Variants in SERINC5 observed in about 807,000 individuals in gnomAD.
SERINC5 encodes chromosome 5 open reading frame 12.
SERINC5 carries 41 observed loss-of-function variants against 63.1 expected under a neutral mutation model. The ratio of observed to expected loss-of-function variants is 0.65; its 90% confidence interval spans 0.51 to 0.84. SERINC5 has a LOEUF of 0.84. Among genes scored for constraint, SERINC5 ranks in the 40% least tolerant of loss-of-function variants. SERINC5 has a pLI of 0.00. For missense variants in SERINC5, 523 were observed against 573.0 expected (o/e 0.91, Z 0.89); for synonymous variants, 222 against 215.2 (o/e 1.03, Z -0.28).
rs930162425 is a variant in SERINC5 at position 80,256,002 on chromosome 5, C to G, written c.-80G>C. The G allele has an allele frequency of 5.2e-6, 7 of 1,356,490 alleles. No individual in the cohort carries two copies. The African/African-American group carries it at 1.1e-4, about 21-fold the overall frequency. The allele number at this position is 1,356,490 out of a possible 1,614,324, so 84.0% of individuals were successfully genotyped here. A position where few individuals can be genotyped will look rare whatever the true frequency, so the allele number is the denominator to read the frequency against. ...TCCTGGCTGCCTCGCGCCTCGAGCG[C>G]TGGGCTCAGCCGCAGCTCACACTTG... On this transcript the variant is annotated 5_prime_UTR_variant, in exon 1 of 12. Transcript: ENST00000507668.
chr5:80,157,299 AAAT>A (rs1392039756), intron 8 of SERINC5: 1 of 148,038 alleles, frequency 6.8e-6, no homozygotes, highest in Admixed American at 6.7e-5. Flanking sequence ...GGCCAAGGGC[AAAT>A]ATTTTTTTTC....
Position 80,177,410 on chromosome 5 carries a change from G to A in SERINC5, c.375-13C>T. The A allele has an allele frequency of 1.3e-6, 2 of 1,599,258 alleles. No homozygotes were observed. Among genetic ancestry groups the A allele is most frequent in the Non-Finnish European group, 8.6e-7 (1 of 1,169,416 alleles). ...AAAGAACCAAAAGCTAGAAGTGGGG[G>A]GAAAAAAAAGAGGAAATGTATTTAA... On this transcript the variant is annotated splice_polypyrimidine_tract_variant and intron_variant, in intron 3 of 11. Coordinates refer to ENST00000507668, the MANE Select transcript of SERINC5 (RefSeq NM_001174072.3).
chr5:80,175,279 G>T (rs562802408), intron 4 of SERINC5, among the ~76,000 whole-genome samples: 29 of 152,150 alleles, frequency 1.9e-4, no homozygotes, highest in African/African-American at 6.5e-4. Context: ...GTTGGGATCT[G>T]AACACAGGCA....
chr5:80,169,658 ACAGG>A, intron 5 of SERINC5, 112 bp from the exon 6 acceptor site: 1 of 753,526 alleles, frequency 1.3e-6, no homozygotes, highest in African/African-American at 1.7e-5. Context: ...GCTACAGGCC[ACAGG>A]CACTGGTACC....
At chr5:80,125,128 T>C (rs143972594) in intron 11 of SERINC5, among the ~76,000 whole-genome samples, 342 of 152,324 alleles carry the variant, frequency 2.2e-3, no homozygotes, top group African/African-American at 7.8e-3. Context: ...AAGGCATCCA[T>C]CCATTCATTC....
chr5:80,125,146 T>C (rs1744699126), intron 11 of SERINC5, among the ~76,000 whole-genome samples: 1 of 152,236 alleles, frequency 6.6e-6, no homozygotes, highest in Non-Finnish European at 1.5e-5. Flanking sequence ...TTCATTCATA[T>C]AGCAAACAAT....
Position 80,143,182 on chromosome 5 carries a change from C to A in SERINC5, c.*481G>T. The A allele has an allele frequency of 1.0e-6, 1 of 986,722 alleles. No individual in the cohort carries two copies. Among genetic ancestry groups the A allele is most frequent in the Non-Finnish European group, 1.2e-6 (1 of 830,926 alleles). The allele number at this position is 986,722 out of a possible 1,614,324, so 61.1% of individuals were successfully genotyped here. On this transcript the variant is annotated 3_prime_UTR_variant, in exon 12 of 12. Coordinates refer to ENST00000507668, the MANE Select transcript of SERINC5 (RefSeq NM_001174072.3). The stretch of plus-strand genomic sequence containing the variant: ...CTATAAATACCAGGGGCCCTGCAGG[C>A]TGAGTCCTGTCCTCAAAGCCCCCTG...
chr5:80,115,946 T>C (rs1744307704), intron 11 of SERINC5, among the ~76,000 whole-genome samples: 2 of 152,048 alleles, frequency 1.3e-5, no homozygotes, highest in Non-Finnish European at 2.9e-5. Context: ...AAGGAGTCCT[T>C]AATGAGTTCG....
At chr5:80,145,375 G>A (rs1745752006) in intron 11 of SERINC5, among the ~76,000 whole-genome samples, 1 of 150,168 alleles carries the variant, frequency 6.7e-6, no homozygotes, top group Non-Finnish European at 1.5e-5. Context: ...GTTTATAAAT[G>A]CACAGAAAAG....
At chr5:80,245,619 A>T (rs199551477) in intron 1 of SERINC5, among the ~76,000 whole-genome samples, 39 of 140,656 alleles carry the variant, frequency 2.8e-4, no homozygotes, top group Admixed American at 5.0e-4. Flanking sequence ...ATTTTTTTTT[A>T]TTTTTTATTT....
intron 1 of SERINC5, among the ~76,000 whole-genome samples, chr5:80,213,090 C>CA (rs1445123442): frequency 6.6e-6 from 1 of 151,812 alleles, no homozygotes; most frequent in Non-Finnish European, 1.5e-5. Context: ...ACTAAAAATA[C>CA]AAAAAATTAG....
intron 9 of SERINC5, among the ~76,000 whole-genome samples, chr5:80,148,189 C>CTTTTTTTTTATTTTTTTTTTTTT (rs1745945946): frequency 9.8e-6 from 1 of 102,334 alleles, no homozygotes; most frequent in Non-Finnish European, 2.0e-5. Context: ...ATTTTTTATT[C>CTTTTTTTTTATTTTTTTTTTTTT]TTTTTTTTTT....
intron 5 of SERINC5, among the ~76,000 whole-genome samples, chr5:80,170,161 A>C (rs1389547618): frequency 6.6e-6 from 1 of 152,178 alleles, no homozygotes; most frequent in Non-Finnish European, 1.5e-5. Context: ...TAAGCAGAGA[A>C]ATGACTGCTG....
rs2112604555 is a variant in SERINC5 at position 80,246,415 on chromosome 5, G to A, written c.27+9481C>T. 1.3e-5 allele frequency among the ~76,000 whole-genome samples: 2 copies of A among 152,298 alleles called. 1 individual carries two copies. Among genetic ancestry groups the A allele is most frequent in the South Asian group, 4.1e-4 (2 of 4,826 alleles). The stretch of plus-strand genomic sequence containing the variant: ...AAGTCTGATTTTCCCATCTTCGCTA[G>A]TTATCTTTTCATAAATAAGATTTAA... On this transcript the variant is annotated intron_variant, in intron 1 of 11. Coordinates refer to ENST00000507668, the MANE Select transcript of SERINC5 (RefSeq NM_001174072.3).
intron 1 of SERINC5, among the ~76,000 whole-genome samples, chr5:80,241,081 A>G (rs1316889389): frequency 1.3e-5 from 2 of 152,180 alleles, no homozygotes; most frequent in Admixed American, 6.5e-5. Flanking sequence ...TGATCTGCCT[A>G]CCTAGCGATT....
At chr5:80,130,747 T>C (rs1744914142) in intron 11 of SERINC5, among the ~76,000 whole-genome samples, 1 of 152,214 alleles carries the variant, frequency 6.6e-6, no homozygotes, top group Non-Finnish European at 1.5e-5. Flanking sequence ...ACTACTGCCA[T>C]CCACAAATCT....
chr5:80,149,539 A>G (rs910244895), intron 9 of SERINC5, among the ~76,000 whole-genome samples: 6 of 152,226 alleles, frequency 3.9e-5, no homozygotes. Context: ...GGCAGTGGCC[A>G]GAAACCAGCT....
At chr5:80,112,717 T>A (rs1744166494) in intron 12 of SERINC5, among the ~76,000 whole-genome samples, 1 of 151,976 alleles carries the variant, frequency 6.6e-6, no homozygotes, top group Non-Finnish European at 1.5e-5. Flanking sequence ...GAGGCCGAGG[T>A]AGGAGGTTCA....
chr5:80,146,497 G>A lies in SERINC5; in HGVS notation c.1094-263C>T, dbSNP rs537270363. On this transcript the variant is annotated intron_variant, in intron 10 of 11. Coordinates refer to ENST00000507668, the MANE Select transcript of SERINC5 (RefSeq NM_001174072.3). ...GATGGAGTTTCACTCTTTTTGCCCC[G>A]GCTGGAGTACAGTGGCATGATCTTG... 9.2e-5 allele frequency among the ~76,000 whole-genome samples: 14 copies of A among 152,108 alleles called. No individual in the cohort carries two copies. The South Asian group carries it at 1.5e-3, about 16-fold the overall frequency.
Sources: gnomAD v4.1 joint callset for allele counts (sites outside exome capture counted in the v4.1 genomes callset) on GRCh38, gnomAD v4.1.1 for gene constraint, MANE v1.5 for transcripts, NCBI Gene and HGNC (gene_info 2026-07-23, HGNC 2026-07-21) for gene names.